Variants in TMEM232 observed in about 807,000 individuals in gnomAD.
TMEM232 encodes transmembrane protein 232.
Under a neutral mutation model 78.8 loss-of-function variants are expected in TMEM232, and 80 were observed. The ratio of observed to expected loss-of-function variants is 1.01; its 90% confidence interval spans 0.85 to 1.22. The LOEUF (loss-of-function observed/expected upper bound fraction) is 1.22, where lower values mean the gene tolerates loss of function less well. Among genes scored for constraint, TMEM232 ranks in the 50% most tolerant of loss-of-function variants. The pLI is 0.00. For missense variants in TMEM232, 881 were observed against 742.2 expected (o/e 1.19, Z -2.17); for synonymous variants, 297 against 254.3 (o/e 1.17, Z -1.60).
chr5:110,652,238 G>A (rs11241070), intron 2 of TMEM232, among the ~76,000 whole-genome samples: 118,819 of 151,068 alleles, frequency 0.79, 48,317 homozygotes, highest in East Asian at 0.93. Flanking sequence ...AATTCAATTT[G>A]ATTTCCCCAT....
chr5:110,398,016 C>G (rs1755454810), intron 2 of TMEM232, among the ~76,000 whole-genome samples: 2 of 152,118 alleles, frequency 1.3e-5, no homozygotes, highest in Non-Finnish European at 2.9e-5. Flanking sequence ...AAAGGGGACA[C>G]AGAGAACTCA....
chr5:110,476,750 G>A (rs907486801), intron 12 of TMEM232, among the ~76,000 whole-genome samples: 6 of 151,982 alleles, frequency 3.9e-5, no homozygotes, highest in African/African-American at 7.2e-5. Flanking sequence ...ATTACAGCAC[G>A]TTTGGACATT....
chr5:110,638,335 C>T lies in TMEM232; in HGVS notation c.364G>A (p.Ala122Thr), dbSNP rs1331550549. ...IQDESLNMLY[A>T]SLDHASFDYD... Reference sequence around the variant, plus strand: ...TCAAAGGAAGCATGGTCCAGAGATGCATAAAGCATATTTAAAGATTCTGAA... The same window carrying T: ...TCAAAGGAAGCATGGTCCAGAGATGTATAAAGCATATTTAAAGATTCTGAA... Residue 122 changes from alanine to threonine, a missense_variant, in exon 5 of 14, where the codon GCA becomes ACA. Ala to Thr is a moderately conservative substitution (Grantham distance 58). Coordinates refer to ENST00000455884, the MANE Select transcript of TMEM232 (RefSeq NM_001039763.4). 2.6e-6 allele frequency: 4 copies of T among 1,537,576 alleles called. No homozygotes were observed. The highest frequency in any genetic ancestry group is 3.5e-6 in the Non-Finnish European group (4 of 1,142,960).
intron 11 of TMEM232, among the ~76,000 whole-genome samples, chr5:110,538,576 G>A (rs569832914): frequency 5.1e-4 from 78 of 152,108 alleles, no homozygotes; most frequent in Non-Finnish European, 1.1e-3. Context: ...CCCTCACCAG[G>A]CCCCTGTCAA....
At chr5:110,551,954 G>A (rs1010358608) in intron 11 of TMEM232, among the ~76,000 whole-genome samples, 1 of 151,866 alleles carries the variant, frequency 6.6e-6, no homozygotes, top group Admixed American at 6.6e-5. Flanking sequence ...TAATGGCCAG[G>A]CTACCTGCAC....
intron 11 of TMEM232, among the ~76,000 whole-genome samples, chr5:110,568,168 G>A (rs145115519): frequency 3.3e-4 from 50 of 151,962 alleles, no homozygotes; most frequent in African/African-American, 1.2e-3. Flanking sequence ...GTTCTATGGT[G>A]GAATCACCCC....
chr5:110,585,578 A>C (rs1413501319), intron 10 of TMEM232, among the ~76,000 whole-genome samples: 5 of 152,282 alleles, frequency 3.3e-5, no homozygotes, highest in Non-Finnish European at 7.4e-5. Context: ...AAAAGTGGGC[A>C]GTCTTAGAAT....
chr5:110,562,318 C>G (rs1427622073), intron 11 of TMEM232, among the ~76,000 whole-genome samples: 3 of 152,078 alleles, frequency 2.0e-5, no homozygotes, highest in African/African-American at 7.2e-5. Flanking sequence ...ATTTTCCCAA[C>G]TTGGCAAGTC....
rs562696524 is a variant in TMEM232, at chr5:110,683,241, T to C, written c.-12-15877A>G. Among the ~76,000 whole-genome samples, 8 of 152,250 alleles carry C rather than the reference T, an allele frequency of 5.3e-5. No individual in the cohort carries two copies. The South Asian group carries it at 1.7e-3, about 32-fold the overall frequency. ...AATGTGTGGGTTTAATTGATAACTATAAAATACAGGTTAAAAATAAATGGG... is the reference window on the plus strand; with the variant it reads ...AATGTGTGGGTTTAATTGATAACTACAAAATACAGGTTAAAAATAAATGGG... On this transcript the variant is annotated intron_variant, in intron 1 of 13. Transcript: ENST00000455884.
chr5:110,608,131 C>T (rs1026230354), intron 8 of TMEM232, among the ~76,000 whole-genome samples: 2 of 151,826 alleles, frequency 1.3e-5, no homozygotes, highest in Non-Finnish European at 2.9e-5. Context: ...CTTAGCTCTG[C>T]CACTAATTAG....
intron 12 of TMEM232, among the ~76,000 whole-genome samples, chr5:110,473,009 C>G (rs1762845719): frequency 6.6e-6 from 1 of 150,778 alleles, no homozygotes; most frequent in Admixed American, 6.6e-5. Context: ...TAATATTGGT[C>G]TGGGCAAAGA....
At chr5:110,605,976 T>C (rs1254443307) in intron 9 of TMEM232, among the ~76,000 whole-genome samples, 188 bp downstream of exon 9, 4 of 152,046 alleles carry the variant, frequency 2.6e-5, no homozygotes, top group Non-Finnish European at 4.4e-5. Flanking sequence ...AATTTTAATA[T>C]TATGTAATGA....
rs139345879 is a variant in TMEM232 at position 110,444,110 on chromosome 5, G to A, written c.1704-19194C>T. Among the ~76,000 whole-genome samples, 28 of 152,186 alleles carry A rather than the reference G, an allele frequency of 1.8e-4. No homozygotes were observed. In the East Asian group the frequency reaches 2.5e-3, roughly 14 times the overall value. On this transcript the variant is annotated intron_variant, in intron 12 of 13. Transcript: ENST00000455884. ...TGGCTGGTATCTCCTTAGGTCATGT[G>A]CCACCCTAGTTCACTGGCTCTGAGC...
Position 110,605,224 on chromosome 5 carries a change from G to A in TMEM232, c.1161C>T (p.His387=). The stretch of plus-strand genomic sequence containing the variant: ...AAATATTTTTTTGTGAACTTTTACA[G>A]TGACAGAAACCAATTAAAGCAGTTT... ...LRKTALIGFC[H]CKSSQKNILY... The change falls in exon 10 of 14, where the codon CAC becomes CAT. Residue 387 remains histidine (H), a synonymous_variant. Transcript: ENST00000455884. 2 of 1,551,136 alleles carry A rather than the reference G, an allele frequency of 1.3e-6. No individual in the cohort carries two copies. The highest frequency in any genetic ancestry group is 2.4e-5 in the South Asian group (2 of 84,050).
At chr5:110,522,539 C>T (rs1043440916) in intron 12 of TMEM232, among the ~76,000 whole-genome samples, 1 of 152,122 alleles carries the variant, frequency 6.6e-6, no homozygotes, top group Non-Finnish European at 1.5e-5. Context: ...ATGATGTTAG[C>T]TGTGGACTTT....
At chr5:110,679,707 C>T (rs1792474879) in intron 1 of TMEM232, among the ~76,000 whole-genome samples, 1 of 151,592 alleles carries the variant, frequency 6.6e-6, no homozygotes, top group Non-Finnish European at 1.5e-5. Context: ...AAGTTATGAG[C>T]ATAATATTTA....
At chr5:110,470,740 T>C (rs1390209901) in intron 12 of TMEM232, among the ~76,000 whole-genome samples, 1 of 152,142 alleles carries the variant, frequency 6.6e-6, no homozygotes, top group African/African-American at 2.4e-5. Context: ...GGTGAAAGTA[T>C]TTCTCTATGA....
chr5:110,475,550 A>G (rs1417376463), intron 12 of TMEM232, among the ~76,000 whole-genome samples: 1 of 150,442 alleles, frequency 6.6e-6, no homozygotes, highest in Non-Finnish European at 1.5e-5. Context: ...ATGAGGTCCA[A>G]TTGTCTCAGC....
chr5:110,596,801 A>G (rs1285543698), intron 10 of TMEM232, among the ~76,000 whole-genome samples: 1 of 152,214 alleles, frequency 6.6e-6, no homozygotes, highest in Non-Finnish European at 1.5e-5. Flanking sequence ...AAGGCCTTTG[A>G]CAAAATGCAA....
Sources: allele counts gnomAD v4.1 joint callset (sites outside exome capture counted in the v4.1 genomes callset), GRCh38; gene constraint gnomAD v4.1.1; transcripts MANE v1.5; gene names NCBI Gene and HGNC (gene_info 2026-07-23, HGNC 2026-07-21).